Variants in EML3 observed in about 807,000 individuals in gnomAD.
The protein encoded by EML3 is echinoderm microtubule-associated protein-like 3.
A neutral mutation model predicts 106.7 loss-of-function variants in EML3; 53 were observed. The ratio of observed to expected loss-of-function variants is 0.50; its 90% CI spans 0.40 to 0.62. The LOEUF (loss-of-function observed/expected upper bound fraction) is 0.62. EML3 is among the 20% of genes least tolerant of loss of function. The probability of loss-of-function intolerance (pLI) is 0.00; values close to 1 mark genes in which losing one functional copy is unlikely to be tolerated. For missense variants in EML3, 994 were observed against 1,209.1 expected (o/e 0.82, Z 2.64); for synonymous variants, 499 against 489.6 (o/e 1.02, Z -0.25).
chr11:62,609,475 C>T lies in EML3; in HGVS notation c.637G>A (p.Gly213Ser), dbSNP rs370481483. ...GSRRSNYNLEGISVKMFLRGR... is the reference protein window; with the variant it reads ...GSRRSNYNLESISVKMFLRGR... ...CGAAGGAACATCTTCACTGAGATGC[C>T]TTCTACAGAGAAAAGGGGTGGTGTC... Residue 213 changes from glycine (G) to serine (S), a missense_variant and splice_region_variant, in exon 6 of 22, where the codon GGC becomes AGC. By Grantham distance (56) the Gly-to-Ser change is moderately conservative. Transcript: ENST00000394773. 4.5e-6 allele frequency: 7 copies of T among 1,568,464 alleles called. No individual in the cohort carries two copies. Among genetic ancestry groups the T allele is most frequent in the African/African-American group, 4.1e-5 (3 of 73,532 alleles).
intron 11 of EML3, 111 bp from the exon 12 acceptor site, chr11:62,607,210 G>A (rs1015209772): frequency 3.6e-6 from 5 of 1,388,366 alleles, no homozygotes; most frequent in East Asian, 4.7e-5. Flanking sequence ...CACTTTGGGA[G>A]GCCAAGGCGG....
intron 4 of EML3, 26 bp from the exon 5 acceptor site, chr11:62,609,722 G>A (rs1457120109): frequency 1.3e-6 from 2 of 1,578,408 alleles, no homozygotes; most frequent in African/African-American, 1.4e-5. Flanking sequence ...AAAGCACAGG[G>A]ATTGGGGTCA....
chr11:62,604,277 T>C lies in EML3; in HGVS notation c.1983-76A>G. 2 of 1,275,860 alleles carry C rather than the reference T, an allele frequency of 1.6e-6. 1 individual carries two copies. Among genetic ancestry groups the C allele is most frequent in the South Asian group, 2.5e-5 (2 of 81,276 alleles). The allele number at this position is 1,275,860 out of a possible 1,614,324, so 79.0% of individuals were successfully genotyped here. A position where few individuals can be genotyped will look rare whatever the true frequency, so the allele number is the denominator to read the frequency against. ...AAGGAGACCCCCAGGGAGGCCACCC[T>C]GGGTAGGCTTGGGGATGGCAAATAA... On this transcript the variant is annotated intron_variant, in intron 16 of 21. Coordinates refer to ENST00000394773, the MANE Select transcript of EML3 (RefSeq NM_153265.3).
At chr11:62,606,856 CA>C (rs71056532) in intron 12 of EML3, 101 bp downstream of exon 12, 124,612 of 903,666 alleles carry the variant, frequency 0.14, 2 homozygotes, top group East Asian at 0.21. Flanking sequence ...GACCTCATCT[CA>C]AAAAAAAAAA....
chr11:62,611,242 G>A lies in EML3; in HGVS notation c.297C>T (p.Pro99=). 2 of 1,612,442 alleles carry A rather than the reference G, an allele frequency of 1.2e-6. No individual in the cohort carries two copies. The highest frequency in any genetic ancestry group is 8.5e-7 in the Non-Finnish European group (1 of 1,179,910). ...TEVELKSSPG[P]PGLSNGPPAP... is the part of the protein sequence containing the mutation. ...CTGGGGGTCCATTGCTCAGGCCAGG[G>A]GGTCCAGGGGATGACTTGAGCTCCA... The change falls in exon 3 of 22, where the codon CCC becomes CCT. Residue 99 remains proline (P), a synonymous_variant. Coordinates refer to ENST00000394773, the MANE Select transcript of EML3 (RefSeq NM_153265.3).
At chr11:62,610,632 T>TGAG (rs1402230471) in intron 4 of EML3, among the ~76,000 whole-genome samples, 2 of 152,202 alleles carry the variant, frequency 1.3e-5, no homozygotes, top group African/African-American at 4.8e-5. Context: ...GCCTGCTTCC[T>TGAG]CACCTGTGCA....
chr11:62,602,793 A>G lies in EML3; in HGVS notation c.2453T>C (p.Val818Ala). 6.2e-7 allele frequency: 1 copy of G among 1,611,458 alleles called. No individual in the cohort carries two copies. The highest frequency in any genetic ancestry group is 8.5e-7 in the Non-Finnish European group (1 of 1,179,372). Residue 818 changes from valine to alanine, a missense_variant, in exon 21 of 22, where the codon GTG (valine) becomes GCG (alanine). By Grantham distance (64) the Val-to-Ala change is moderately conservative. This residue lies in a region of EML3 where 713 missense variants were observed against 920.5 expected (regional missense o/e 0.77). Transcript: ENST00000394773. ...VVAVADDFCK[V>A]HLFQYPCARA... The stretch of plus-strand genomic sequence containing the variant: ...AGCGCACGGGTACTGGAAGAGATGC[A>G]CTTTGCAGAAGTCGTCGGCCACCGC...
intron 1 of EML3, 46 bp from the exon 2 acceptor site, chr11:62,611,642 G>GGGAGA (rs1312102067): frequency 7.6e-6 from 12 of 1,571,476 alleles, no homozygotes; most frequent in African/African-American, 1.4e-5. Flanking sequence ...ATCACCTGAA[G>GGGAGA]AAAGCGTAGA....
At chr11:62,607,143 C>T in intron 11 of EML3, 44 bp from the exon 12 acceptor site, 1 of 1,605,620 alleles carries the variant, frequency 6.2e-7, no homozygotes. Flanking sequence ...AAGGGAAGGG[C>T]AAAGATTAAA....
At position 62,602,816 on chromosome 11, in the gene EML3, C is replaced by T. The variant is rs1295055660; in HGVS notation, c.2430G>A (p.Ala810=). The change falls in exon 21 of 22, where the codon GCG becomes GCA. Residue 810 remains alanine, a synonymous_variant. Transcript: ENST00000394773. ...LCRSHNERVV[A]VADDFCKVHL... ...GCACTTTGCAGAAGTCGTCGGCCAC[C>T]GCCACCACGCGCTCGTTGTGGGAGC... 10 of 1,608,986 alleles carry T rather than the reference C, an allele frequency of 6.2e-6. No individual in the cohort carries two copies. In the African/African-American group the frequency reaches 9.4e-5, roughly 15 times the overall value.
chr11:62,604,869 C>T, intron 16 of EML3: 2 of 373,950 alleles, frequency 5.3e-6, no homozygotes, highest in South Asian at 7.3e-5. Flanking sequence ...TTTCTCTATC[C>T]TGGGCTGCTG....
intron 16 of EML3, 143 bp from the exon 17 acceptor site, chr11:62,604,344 G>A (rs898835698): frequency 3.0e-6 from 2 of 659,340 alleles, no homozygotes; most frequent in Non-Finnish European, 2.7e-6. Flanking sequence ...TGATGTAGAA[G>A]ACAGGTCACA....
At position 62,611,205 on chromosome 11, in the gene EML3, C is replaced by A; in HGVS notation, c.334G>T (p.Ala112Ser). 6.2e-7 allele frequency: 1 copy of A among 1,610,484 alleles called. No individual in the cohort carries two copies. The highest frequency in any genetic ancestry group is 8.5e-7 in the Non-Finnish European group (1 of 1,179,464). ...TGGGTCCCGCTAGGCTCTTCGCTGGCCCCCTGAGGGGCTGGGGGTCCATTG... is the reference window on the plus strand; with the variant it reads ...TGGGTCCCGCTAGGCTCTTCGCTGGACCCCTGAGGGGCTGGGGGTCCATTG... ...LSNGPPAPQG[A>S]SEEPSGTQSE... The change falls in exon 3 of 22, where the codon GCC becomes TCC. Residue 112 changes from alanine to serine, a missense_variant. Ala to Ser is a moderately conservative substitution (Grantham distance 99). Around this residue, in one of 3 missense-constraint regions of EML3, gnomAD observed 269 missense variants for 265.1 expected, o/e 1.01. Transcript: ENST00000394773.
At chr11:62,611,374 G>A (rs775488867) in intron 2 of EML3, 30 bp from the exon 3 acceptor site, 2 of 1,613,496 alleles carry the variant, frequency 1.2e-6, no homozygotes, top group Non-Finnish European at 1.7e-6. Context: ...TTAACCTGAA[G>A]CCCCAGAGGC....
rs776012482 is a variant in EML3, at chr11:62,608,244, G to T, written c.1163C>A (p.Ser388Ter). Residue 388 changes from serine (S) to a stop codon, truncating the protein, a stop_gained, in exon 10 of 22, where the codon TCG becomes TAG. Coordinates refer to ENST00000394773, the MANE Select transcript of EML3 (RefSeq NM_153265.3). LOFTEE classifies it high-confidence loss of function. ...VVDDSNEHML[S>*]VWDCSRGMKL... Reference sequence around the variant, plus strand: ...CATTCCCCGGCTGCAGTCCCACACCGACAGCATGTGCTCATTGGAATCATC... The same window carrying T: ...CATTCCCCGGCTGCAGTCCCACACCTACAGCATGTGCTCATTGGAATCATC... 1 of 1,613,818 alleles carries T rather than the reference G, an allele frequency of 6.2e-7. No homozygotes were observed. The highest frequency in any genetic ancestry group is 1.1e-5 in the South Asian group (1 of 91,056).
At chr11:62,606,443 A>G in intron 12 of EML3, 6 of 595,918 alleles carry the variant, frequency 1.0e-5, no homozygotes, top group Non-Finnish European at 1.8e-5. Flanking sequence ...ACTAATAGCA[A>G]AACTGGAATC....
In EML3 at chr11:62,609,335, A is replaced by G; in HGVS notation, c.758+19T>C. The G allele has an allele frequency of 1.3e-6, 2 of 1,546,932 alleles. No homozygotes were observed. ...AGGTGAGAAAGGTGGTTCTCATGGG[A>G]CTGGAAGGGGCAGGATACACCCAGT... On this transcript the variant is annotated intron_variant, in intron 6 of 21. Coordinates refer to ENST00000394773, the MANE Select transcript of EML3 (RefSeq NM_153265.3).
intron 3 of EML3, 25 bp downstream of exon 3, chr11:62,611,062 C>CGCCACAGG (rs1170431640): frequency 6.2e-7 from 1 of 1,601,812 alleles, no homozygotes; most frequent in Non-Finnish European, 8.5e-7. Flanking sequence ...TCCCAGCTTC[C>CGCCACAGG]GCCACAGGGC....
chr11:62,611,429 C>G lies in EML3; in HGVS notation c.190G>C (p.Asp64His), dbSNP rs762187371. 7 of 1,613,716 alleles carry G rather than the reference C, an allele frequency of 4.3e-6. No homozygotes were observed. The highest frequency in any genetic ancestry group is 5.9e-6 in the Non-Finnish European group (7 of 1,179,818). ...GGGGTGTGATGACATGCATACCTGT[C>G]CCCCGGAGGAGCTGGTGTGCCAGAG... ...QGSGTPAPPG[D>H]SLAAPPGLPP... Residue 64 changes from aspartate (D) to histidine (H), a missense_variant, in exon 2 of 22, where the codon GAC becomes CAC. Around this residue, in one of 3 missense-constraint regions of EML3, gnomAD observed 269 missense variants for 265.1 expected, o/e 1.01. Transcript: ENST00000394773.
Sources: allele counts gnomAD v4.1 joint callset (sites outside exome capture counted in the v4.1 genomes callset), GRCh38; gene constraint gnomAD v4.1.1; regional missense constraint gnomAD v4.1.1; transcripts MANE v1.5; gene names NCBI Gene and HGNC (gene_info 2026-07-23, HGNC 2026-07-21).